The following AKNA variants were observed in gnomAD, a reference collection of about 807,000 sequenced individuals.
The protein encoded by AKNA is microtubule organization protein AKNA.
Under a neutral mutation model 138.8 loss-of-function variants are expected in AKNA, and 67 were observed. The ratio of observed to expected loss-of-function variants is 0.48; its 90% confidence interval spans 0.40 to 0.59. AKNA has a LOEUF of 0.59. AKNA is among the 20% of genes least tolerant of loss of function. The probability of loss-of-function intolerance (pLI) is 0.00; values close to 1 mark genes in which losing one functional copy is unlikely to be tolerated. For missense variants in AKNA, 1,813 were observed against 1,880.4 expected (o/e 0.96, Z 0.66); for synonymous variants, 737 against 754.4 (o/e 0.98, Z 0.38).
intron 7 of AKNA, among the ~76,000 whole-genome samples, chr9:114,364,026 AC>A: frequency 6.6e-6 from 1 of 151,788 alleles, no homozygotes. Context: ...TCCAGCCCCC[AC>A]TTTTTTTAAC....
At chr9:114,353,462 C>A (rs775849612) in intron 14 of AKNA, among the ~76,000 whole-genome samples, 1 of 152,122 alleles carries the variant, frequency 6.6e-6, no homozygotes, top group Non-Finnish European at 1.5e-5. Flanking sequence ...TGGGGTTTTG[C>A]CATGTTGGCC....
intron 2 of AKNA, among the ~76,000 whole-genome samples, chr9:114,379,183 G>C (rs887060694): frequency 6.6e-6 from 1 of 152,206 alleles, no homozygotes; most frequent in Admixed American, 6.5e-5. Flanking sequence ...TTGGAGCTAG[G>C]GAGCCCTGGG....
intron 6 of AKNA, among the ~76,000 whole-genome samples, chr9:114,366,592 T>G (rs1203959622): frequency 6.6e-6 from 1 of 151,240 alleles, no homozygotes; most frequent in Non-Finnish European, 1.5e-5. Context: ...TAAAAACCGC[T>G]GAAGCAAGCA....
At chr9:114,375,905 C>A (rs1220805476) in intron 3 of AKNA, 6 of 450,112 alleles carry the variant, frequency 1.3e-5, no homozygotes, top group Non-Finnish European at 2.7e-5. Context: ...CAGGTACACC[C>A]TCCCTCCACC....
chr9:114,342,360 C>T (rs1458013528), intron 19 of AKNA, among the ~76,000 whole-genome samples: 2 of 152,194 alleles, frequency 1.3e-5, no homozygotes, highest in Non-Finnish European at 2.9e-5. Flanking sequence ...TCCAACAAGC[C>T]ACTGGGCTAG....
At chr9:114,375,942 A>G (rs112223984) in intron 3 of AKNA, 10,080 of 454,078 alleles carry the variant, frequency 0.022, 893 homozygotes, top group African/African-American at 0.19. Flanking sequence ...CCCAAACCCC[A>G]GGCCTCCCTA....
intron 14 of AKNA, among the ~76,000 whole-genome samples, chr9:114,355,426 C>T (rs111878810): frequency 2.0e-5 from 3 of 152,344 alleles, no homozygotes; most frequent in African/African-American, 7.2e-5. Context: ...ATCCACCCGC[C>T]TCGGCCTCCC....
intron 14 of AKNA, among the ~76,000 whole-genome samples, chr9:114,352,452 C>G (rs1488913147): frequency 6.6e-6 from 1 of 151,460 alleles, no homozygotes. Context: ...CAAAAATTAG[C>G]TGGACGCAGT....
downstream of AKNA, chr9:114,331,962 G>C: frequency 1.9e-6 from 3 of 1,595,148 alleles, no homozygotes; most frequent in Non-Finnish European, 8.6e-7. Flanking sequence ...TGCCCACCTT[G>C]TCCATGGCCC....
chr9:114,377,615 T>G, intron 2 of AKNA, 83 bp from the exon 3 acceptor site: 11 of 1,348,226 alleles, frequency 8.2e-6, no homozygotes, highest in Non-Finnish European at 1.0e-5. Context: ...TTCAACTCTC[T>G]GGCTTCCATT....
rs2787345 is a variant in AKNA at position 114,341,853 on chromosome 9, C to T, written c.3875-128G>A. 0.036 allele frequency: 47,474 copies of T among 1,312,904 alleles called. 9,697 individuals carry two copies. In the African/African-American group the frequency reaches 0.52, roughly 14 times the overall value. The allele number at this position is 1,312,904 out of a possible 1,614,324, so 81.3% of individuals were successfully genotyped here. A position where few individuals can be genotyped will look rare whatever the true frequency, so the allele number is the denominator to read the frequency against. ...GGCCCTACCCTGTGAGACTCCATGT[C>T]GGGGAGGTCTCTCTTTGGGGAACAA... On this transcript the variant is annotated intron_variant, in intron 20 of 21. Transcript: ENST00000374088.
chr9:114,350,915 T>C lies in AKNA; in HGVS notation c.3165A>G (p.Leu1055=). 3 of 1,607,862 alleles carry C rather than the reference T, an allele frequency of 1.9e-6. No homozygotes were observed. Among genetic ancestry groups the C allele is most frequent in the Non-Finnish European group, 2.5e-6 (3 of 1,177,446 alleles). ...GGATGGTCTCTGTTGGTCCACAGGG[T>C]AGAGGCGCAGCGGCAGGGGCGGGGG... is the stretch of plus-strand genomic sequence containing the variant. ...PPAPAPAAAP[L]PCGPTETIPS... The change falls in exon 15 of 22, where the codon CTA becomes CTG. Residue 1055 remains leucine (L), a synonymous_variant. Transcript: ENST00000374088.
intron 9 of AKNA, among the ~76,000 whole-genome samples, chr9:114,360,819 C>T (rs773607492): frequency 5.9e-5 from 9 of 152,314 alleles, no homozygotes; most frequent in Admixed American, 2.0e-4. Flanking sequence ...GCCTGCAAAA[C>T]GGAGATAGTG....
rs1197291675 is a variant in AKNA at position 114,377,215 on chromosome 9, C to G, written c.592G>C (p.Ala198Pro). The change falls in exon 3 of 22, where the codon GCA becomes CCA. Residue 198 changes from alanine (A) to proline (P), a missense_variant. Physicochemically the swap from Ala to Pro is conservative, Grantham distance 27. Transcript: ENST00000374088. ...ACTGTCCCACTGCTCCAGGACCTTG[C>G]CGGGCTGAGTTCAACGGATGGGTTG... The part of the protein sequence containing the change: ...EVNPSVELSP[A>P]RSWSSGTVSL... 8 of 1,614,180 alleles carry G rather than the reference C, an allele frequency of 5.0e-6. No homozygotes were observed. In the East Asian group the frequency reaches 1.6e-4, roughly 31 times the overall value.
At chr9:114,384,714 T>C (rs1401309612) in intron 1 of AKNA, among the ~76,000 whole-genome samples, 1 of 152,240 alleles carries the variant, frequency 6.6e-6, no homozygotes. Context: ...ACAGAAAATA[T>C]GCATTAACCA....
chr9:114,369,189 G>A (rs528881132), intron 4 of AKNA, among the ~76,000 whole-genome samples: 1 of 152,326 alleles, frequency 6.6e-6, no homozygotes, highest in Admixed American at 6.5e-5. Context: ...AGCCCAGTTG[G>A]TGAGGGAGCA....
chr9:114,367,799 T>C (rs887034219), intron 5 of AKNA, 102 bp from the exon 6 acceptor site: 53 of 1,322,478 alleles, frequency 4.0e-5, no homozygotes, highest in African/African-American at 1.0e-4. Context: ...CATCAAGTTA[T>C]AGCTCAGTCA....
chr9:114,331,595 G>A (rs1829852662), downstream of AKNA: 21 of 1,613,944 alleles, frequency 1.3e-5, no homozygotes, highest in Non-Finnish European at 1.7e-5. Context: ...TTGCTCACCT[G>A]CTGTTCCTTA....
At chr9:114,353,780 T>C (rs1222506062) in intron 14 of AKNA, among the ~76,000 whole-genome samples, 1 of 152,228 alleles carries the variant, frequency 6.6e-6, no homozygotes, top group Non-Finnish European at 1.5e-5. Context: ...TGGTAAGTAT[T>C]TGTGTATCTA....
Sources: allele counts gnomAD v4.1 joint callset (sites outside exome capture counted in the v4.1 genomes callset), GRCh38; gene constraint gnomAD v4.1.1; transcripts MANE v1.5; gene names NCBI Gene and HGNC (gene_info 2026-07-23, HGNC 2026-07-21).